Variants in LIPK observed in about 807,000 individuals in gnomAD.
LIPK encodes the protein lipase member K.
Under a neutral mutation model 48.6 loss-of-function variants are expected in LIPK, and 32 were observed. That is an observed-to-expected ratio of 0.66 (90% CI 0.50 to 0.88). LIPK has a LOEUF of 0.88. LIPK is among the 40% of genes least tolerant of loss of function. The pLI is 0.00. For missense variants in LIPK, 507 were observed against 478.5 expected (o/e 1.06, Z -0.56); for synonymous variants, 164 against 157.4 (o/e 1.04, Z -0.32).
intron 1 of LIPK, among the ~76,000 whole-genome samples, chr10:88,709,079 C>T (rs746537920): frequency 7.2e-5 from 11 of 152,026 alleles, no homozygotes; most frequent in South Asian, 4.1e-4. Context: ...TTCTTAATGA[C>T]GTAAATAGAT....
chr10:88,748,797 T>A (rs1429726432), intron 9 of LIPK, among the ~76,000 whole-genome samples: 2 of 151,954 alleles, frequency 1.3e-5, no homozygotes, highest in African/African-American at 4.8e-5. Flanking sequence ...GCCAGAGCAA[T>A]CACACAAGAG....
Position 88,711,942 on chromosome 10 carries a change from A to G in LIPK, c.-12+5622A>G, listed in dbSNP as rs145432812. 1.1e-3 allele frequency among the ~76,000 whole-genome samples: 173 copies of G among 152,226 alleles called. 1 individual carries two copies. Among genetic ancestry groups the G allele is most frequent in the African/African-American group, 4.0e-3 (167 of 41,536 alleles). On this transcript the variant is annotated intron_variant, in intron 1 of 9. Coordinates refer to ENST00000404190, the MANE Select transcript of LIPK (RefSeq NM_001080518.2). ...CTTTTAGTTTTAGATTTGCAATCTG[A>G]GGTATATTTTTGTATCTGGTTTGGG...
At chr10:88,709,831 G>C (rs1218114567) in intron 1 of LIPK, among the ~76,000 whole-genome samples, 1 of 151,936 alleles carries the variant, frequency 6.6e-6, no homozygotes, top group Non-Finnish European at 1.5e-5. Context: ...GAAAGGAGAG[G>C]GTTGGGCTTT....
intron 6 of LIPK, among the ~76,000 whole-genome samples, chr10:88,735,347 T>C (rs559328668): frequency 2.6e-5 from 4 of 152,370 alleles, no homozygotes; most frequent in South Asian, 2.1e-4. Flanking sequence ...GACGTGTCTC[T>C]ACAACATTAA....
intron 2 of LIPK, among the ~76,000 whole-genome samples, chr10:88,726,162 C>T (rs1842334129): frequency 6.6e-6 from 1 of 152,102 alleles, no homozygotes; most frequent in Non-Finnish European, 1.5e-5. Flanking sequence ...CTGTGGTTTC[C>T]CTCATTAGAT....
At chr10:88,737,865 G>A in intron 7 of LIPK, 84 bp downstream of exon 7, 2 of 1,413,730 alleles carry the variant, frequency 1.4e-6, no homozygotes, top group Non-Finnish European at 2.0e-6. Context: ...TATGGCAACT[G>A]CAATTCAAGG....
rs185600676 is a variant in LIPK at position 88,737,616 on chromosome 10, G to A, written c.670-19G>A. The stretch of plus-strand genomic sequence containing the variant: ...ATCCACGCCTGTAAGATTTGATGGT[G>A]TTTTAAATTATCTTGTAGGTGTTGT... On this transcript the variant is annotated intron_variant, in intron 6 of 9. Transcript: ENST00000404190. 6.8e-4 allele frequency: 1,092 copies of A among 1,611,678 alleles called. 7 individuals carry two copies. Among genetic ancestry groups the A allele is most frequent in the East Asian group, 2.4e-3 (107 of 44,850 alleles).
At chr10:88,742,897 T>C (rs978206846) in intron 8 of LIPK, among the ~76,000 whole-genome samples, 2 of 152,222 alleles carry the variant, frequency 1.3e-5, no homozygotes, top group Non-Finnish European at 1.5e-5. Context: ...AATGCCTTTT[T>C]AAAAAAATTA....
chr10:88,737,729 G>T lies in LIPK; in HGVS notation c.764G>T (p.Cys255Phe), dbSNP rs562671234. Residue 255 changes from cysteine to phenylalanine, a missense_variant, in exon 7 of 10, where the codon TGC (cysteine) becomes TTC (phenylalanine). By Grantham distance (205) the Cys-to-Phe change is radical. Coordinates refer to ENST00000404190, the MANE Select transcript of LIPK (RefSeq NM_001080518.2). ...AATCGAAAGCTATTCCGTCGTATTT[G>T]CAGCAACTTCCTATTTACTCTGAGT... ...VCNRKLFRRI[C>F]SNFLFTLSGF... The T allele has an allele frequency of 6.8e-6, 11 of 1,613,868 alleles. No homozygotes were observed. In the Admixed American group the frequency reaches 1.7e-4, roughly 24 times the overall value.
intron 7 of LIPK, among the ~76,000 whole-genome samples, chr10:88,739,644 A>G (rs1842641768): frequency 6.6e-6 from 1 of 152,120 alleles, no homozygotes; most frequent in South Asian, 2.1e-4. Context: ...TCACGAGGTC[A>G]GGAGAGCGAG....
At chr10:88,727,220 G>A (rs1842361792) in intron 3 of LIPK, among the ~76,000 whole-genome samples, 1 of 152,062 alleles carries the variant, frequency 6.6e-6, no homozygotes, top group African/African-American at 2.4e-5. Context: ...GAAATCTAGG[G>A]GTTATTCTTG....
intron 9 of LIPK, among the ~76,000 whole-genome samples, chr10:88,750,445 T>C (rs901908989): frequency 4.6e-5 from 7 of 152,156 alleles, no homozygotes; most frequent in African/African-American, 1.7e-4. Flanking sequence ...GTGGTACATA[T>C]ACACCATGGA....
At chr10:88,740,565 T>C (rs1842660283) in intron 8 of LIPK, among the ~76,000 whole-genome samples, 1 of 152,252 alleles carries the variant, frequency 6.6e-6, no homozygotes. Context: ...TTACTCAATA[T>C]ACAGAAAGCT....
At chr10:88,730,769 T>C (rs1479979879) in intron 3 of LIPK, among the ~76,000 whole-genome samples, 1 of 152,222 alleles carries the variant, frequency 6.6e-6, no homozygotes, top group Non-Finnish European at 1.5e-5. Context: ...ATACAATACA[T>C]TGTATATAAT....
intron 6 of LIPK, among the ~76,000 whole-genome samples, chr10:88,733,303 G>T (rs1476826590): frequency 6.6e-6 from 1 of 152,294 alleles, no homozygotes; most frequent in Non-Finnish European, 1.5e-5. Flanking sequence ...CAGGTAAATT[G>T]CATTGCATGG....
Position 88,727,571 on chromosome 10 carries a change from G to A in LIPK, c.223+659G>A, listed in dbSNP as rs536680487. Reference sequence around the variant, plus strand: ...GTCCATCAGGGTGACCCAGAACTCCGCCTTCAGCAGCTGTTGGTACAGGAG... The same window carrying A: ...GTCCATCAGGGTGACCCAGAACTCCACCTTCAGCAGCTGTTGGTACAGGAG... On this transcript the variant is annotated intron_variant, in intron 3 of 9. Transcript: ENST00000404190. The A allele has an allele frequency of 1.3e-4, 21 of 157,802 alleles. No homozygotes were observed. The East Asian group carries it at 2.9e-3, about 21-fold the overall frequency. The allele number at this position is 157,802 out of a possible 1,614,324, so 9.8% of individuals were successfully genotyped here.
intron 9 of LIPK, among the ~76,000 whole-genome samples, chr10:88,747,651 A>G (rs886269717): frequency 6.6e-6 from 1 of 152,170 alleles, no homozygotes. Flanking sequence ...CAAACATATG[A>G]AAAAAAGCTC....
chr10:88,733,338 T>C (rs1280752730), intron 6 of LIPK, among the ~76,000 whole-genome samples: 3 of 152,232 alleles, frequency 2.0e-5, no homozygotes, highest in Admixed American at 2.0e-4. Context: ...TTCTTGTATT[T>C]TAACATGGGC....
chr10:88,717,293 A>C (rs1328960536), intron 1 of LIPK, among the ~76,000 whole-genome samples: 1 of 152,176 alleles, frequency 6.6e-6, no homozygotes, highest in Non-Finnish European at 1.5e-5. Flanking sequence ...CTTGGTCCTT[A>C]ACTTTGCTTG....
Sources: allele counts gnomAD v4.1 joint callset (sites outside exome capture counted in the v4.1 genomes callset), GRCh38; gene constraint gnomAD v4.1.1; transcripts MANE v1.5; gene names NCBI Gene and HGNC (gene_info 2026-07-23, HGNC 2026-07-21).